The following ZNF185 variants were observed in gnomAD, a reference collection of about 807,000 sequenced individuals.
ZNF185 encodes the protein zinc finger protein 185 with LIM domain.
Under a neutral mutation model 58.6 loss-of-function variants are expected in ZNF185, and 56 were observed. The ratio of observed to expected loss-of-function variants is 0.95; its 90% confidence interval spans 0.77 to 1.19. ZNF185 has a LOEUF of 1.19. Ranked by LOEUF, ZNF185 falls within the 50% of genes most tolerant of loss-of-function variation. ZNF185 has a pLI of 0.00. For missense variants in ZNF185, 627 were observed against 573.5 expected (o/e 1.09, Z -0.95); for synonymous variants, 230 against 215.9 (o/e 1.07, Z -0.57).
rs2047178826 is a variant in ZNF185 at position 152,941,532 on chromosome X, A to C, written c.1211+3369A>C. On this transcript the variant is annotated intron_variant, in intron 15 of 22. Transcript: ENST00000449285. ...TCCCCGAAATCTGGGTAGCGGGCAC[A>C]GGACGTGTGCGCCTGCGCGAATGCG... 4.3e-6 allele frequency: 2 copies of C among 461,402 alleles called. 1 individual carries two copies. The highest frequency in any genetic ancestry group is 2.2e-4 in the South Asian group (2 of 9,059). 38.0% of individuals were successfully genotyped at this position (461,402 alleles called of 1,213,427 possible). A position where few individuals can be genotyped will look rare whatever the true frequency, so the allele number is the denominator to read the frequency against.
intron 12 of ZNF185, 62 bp downstream of exon 13, chrX:152,928,723 C>A: frequency 9.0e-7 from 1 of 1,112,911 alleles, no homozygotes; most frequent in Non-Finnish European, 1.2e-6. Context: ...GAAGCAGCAG[C>A]CTCAGGTGGC....
intron 15 of ZNF185, 98 bp downstream of exon 17, chrX:152,938,261 G>A: frequency 6.9e-6 from 6 of 869,293 alleles, no homozygotes; most frequent in Non-Finnish European, 9.7e-6. Flanking sequence ...AGGCCAGCAA[G>A]GTTTGTGAGC....
At chrX:152,924,033 G>T (rs1208647760) in intron 11 of ZNF185, among the ~76,000 whole-genome samples, 4 of 111,838 alleles carry the variant, frequency 3.6e-5, no homozygotes, top group Non-Finnish European at 7.5e-5. Flanking sequence ...GGTTCCTCTT[G>T]AGTCTCTCTC....
chrX:152,902,007 C>T, the ZNF185 span, among the ~76,000 whole-genome samples: 1 of 112,192 alleles, frequency 8.9e-6, no homozygotes, highest in African/African-American at 3.2e-5. Context: ...CATTTCTCAC[C>T]TCAAAAGGGA....
At chrX:152,910,422 G>C (rs781866303), upstream of ZNF185, among the ~76,000 whole-genome samples, 5 of 112,272 alleles carry the variant, frequency 4.5e-5, no homozygotes, top group South Asian at 1.1e-3. Context: ...TTTTGACTTA[G>C]ATGACACCAT....
intron 14 of ZNF185, among the ~76,000 whole-genome samples, 165 bp downstream of exon 15, chrX:152,933,136 G>A (rs2045897390): frequency 8.9e-6 from 1 of 112,087 alleles, no homozygotes; most frequent in South Asian, 3.7e-4. Flanking sequence ...TGTGTCCTTG[G>A]GCTTTCCACT....
Position 152,949,524 on chromosome X carries a change from C to T in ZNF185, c.1409+4060C>T, listed in dbSNP as rs190894558. On this transcript the variant is annotated intron_variant, in intron 16 of 22. Transcript: ENST00000449285. Reference sequence around the variant, plus strand: ...GTTCATCAGGAAGGGTCAACTATGTCATGGCACCTGATGGGCAGCATTTAG... The same window carrying T: ...GTTCATCAGGAAGGGTCAACTATGTTATGGCACCTGATGGGCAGCATTTAG... Among the ~76,000 whole-genome samples the T allele has an allele frequency of 3.6e-4, 40 of 112,143 alleles. No homozygotes were observed. In the East Asian group the frequency reaches 0.01, roughly 28 times the overall value.
intron 11 of ZNF185, among the ~76,000 whole-genome samples, chrX:152,923,289 T>C (rs1569496628): frequency 8.9e-6 from 1 of 111,791 alleles, no homozygotes; most frequent in Non-Finnish European, 1.9e-5. Context: ...CAATTTGAGC[T>C]CCACAGCCAT....
At chrX:152,946,240 A>G (rs1477481820) in intron 16 of ZNF185, among the ~76,000 whole-genome samples, 2 of 112,287 alleles carry the variant, frequency 1.8e-5, no homozygotes, top group African/African-American at 6.5e-5. Context: ...GAGAGGAGCT[A>G]GTGGAATCCA....
At chrX:152,936,319 C>T (rs782152671) in intron 14 of ZNF185, 99 bp from the exon 16 acceptor site, 48 of 681,283 alleles carry the variant, frequency 7.0e-5, no homozygotes, top group Non-Finnish European at 9.7e-5. Context: ...GCTTCTTGGT[C>T]CTCATCATCT....
intron 16 of ZNF185, among the ~76,000 whole-genome samples, chrX:152,959,268 C>G (rs1368060425): frequency 9.0e-6 from 1 of 111,729 alleles, no homozygotes; most frequent in East Asian, 2.8e-4. Context: ...CCTCCCTAGA[C>G]TGCCGGGTAT....
At chrX:152,932,543 T>A (rs1410871901) in intron 13 of ZNF185, among the ~76,000 whole-genome samples, 1 of 111,748 alleles carries the variant, frequency 8.9e-6, no homozygotes, top group African/African-American at 3.3e-5. Context: ...CCCTGAGCCC[T>A]GGAAATGAGG....
At chrX:152,900,219 G>A in the ZNF185 span, among the ~76,000 whole-genome samples, 604 of 112,316 alleles carry the variant, frequency 5.4e-3, 9 homozygotes, top group African/African-American at 0.019. Context: ...CTGGGCCCAG[G>A]ACCTGGCCAC....
At chrX:152,940,914 T>C (rs2047108762) in intron 15 of ZNF185, among the ~76,000 whole-genome samples, 1 of 112,296 alleles carries the variant, frequency 8.9e-6, no homozygotes, top group Non-Finnish European at 1.9e-5. Flanking sequence ...ATGTTAATAC[T>C]GGTCAGTTGG....
intron 20 of ZNF185, 60 bp from the exon 23 acceptor site, chrX:152,969,322 T>C: frequency 1.0e-6 from 1 of 1,001,241 alleles, no homozygotes; most frequent in Non-Finnish European, 1.4e-6. Context: ...GGTCTGGCTG[T>C]GTCACATCAG....
chrX:152,922,530 G>A (rs1939953137), intron 10 of ZNF185, among the ~76,000 whole-genome samples, 190 bp from the exon 12 acceptor site: 1 of 112,057 alleles, frequency 8.9e-6, no homozygotes, highest in South Asian at 3.7e-4. Flanking sequence ...TTGCACCACT[G>A]AGCCTGGTGG....
intron 2 of ZNF185, 139 bp downstream of exon 3, chrX:152,914,972 G>A (rs1556864609): frequency 9.9e-7 from 1 of 1,009,857 alleles, no homozygotes; most frequent in African/African-American, 1.9e-5. Flanking sequence ...GCGTGGGAAA[G>A]GCTATCCAGC....
At chrX:152,922,874 C>T (rs1266076702) in intron 11 of ZNF185, 65 bp downstream of exon 12, 13 of 1,040,907 alleles carry the variant, frequency 1.2e-5, no homozygotes, top group Non-Finnish European at 1.7e-5. Context: ...GCCTGGCTGG[C>T]TGGTTCTGCC....
At position 152,946,020 on chromosome X, in the gene ZNF185, G is replaced by A. The variant is rs782027034; in HGVS notation, c.1409+556G>A. Among the ~76,000 whole-genome samples the A allele has an allele frequency of 1.3e-4, 15 of 112,435 alleles. 1 individual carries two copies. The highest frequency in any genetic ancestry group is 7.3e-4 in the South Asian group (2 of 2,741). On this transcript the variant is annotated intron_variant, in intron 16 of 22. Transcript: ENST00000449285. ...ACTGTGCATGAGCAAGAGGACAAAC[G>A]TGCCTGTTACTGGAGCTGACCATGT...
Sources: allele counts gnomAD v4.1 joint callset (sites outside exome capture counted in the v4.1 genomes callset), GRCh38; gene constraint gnomAD v4.1.1; transcripts MANE v1.5; gene names NCBI Gene and HGNC (gene_info 2026-07-23, HGNC 2026-07-21).